Variants in CALN1 observed in about 807,000 individuals in gnomAD.
The protein encoded by CALN1 is calneuron 1.
CALN1 carries 17 observed loss-of-function variants against 30.6 expected under a neutral mutation model. That is an observed-to-expected ratio of 0.56 (90% CI 0.38 to 0.83). The LOEUF (loss-of-function observed/expected upper bound fraction) is 0.83, where lower values mean the gene tolerates loss of function less well. Ranked by LOEUF, CALN1 falls within the 40% of genes least tolerant of loss-of-function variation. CALN1 has a pLI of 0.00. For missense variants in CALN1, 291 were observed against 354.9 expected, an observed-to-expected ratio of 0.82 and a Z score of 1.45; for synonymous variants, 156 against 131.4, an observed-to-expected ratio of 1.19 and a Z score of -1.28.
chr7:72,318,893 T>C (rs750465485), intron 2 of CALN1, among the ~76,000 whole-genome samples: 1 of 149,582 alleles, frequency 6.7e-6, no homozygotes, highest in East Asian at 1.9e-4. Flanking sequence ...CTGGCAAGGA[T>C]GTGGAGAAAA....
intron 5 of CALN1, among the ~76,000 whole-genome samples, chr7:71,823,425 A>AAAC (rs1788708956): frequency 1.3e-5 from 2 of 152,218 alleles, no homozygotes; most frequent in African/African-American, 4.8e-5. Flanking sequence ...ATTTATAAAG[A>AAAC]AACAGAGGCT....
chr7:72,219,957 C>A (rs966330915), intron 3 of CALN1, among the ~76,000 whole-genome samples: 1 of 152,018 alleles, frequency 6.6e-6, no homozygotes, highest in African/African-American at 2.4e-5. Context: ...AAAAATTCAA[C>A]CTCACTAGTA....
chr7:72,382,172 G>C (rs1804942644), intron 2 of CALN1, among the ~76,000 whole-genome samples: 1 of 152,192 alleles, frequency 6.6e-6, no homozygotes, highest in South Asian at 2.1e-4. Flanking sequence ...TCAGCTGATG[G>C]GAGCACTGTC....
intron 2 of CALN1, among the ~76,000 whole-genome samples, chr7:72,329,290 C>T (rs982373760): frequency 6.6e-6 from 1 of 152,228 alleles, no homozygotes. Flanking sequence ...ATTTTACACT[C>T]TGATGGATAA....
intron 5 of CALN1, among the ~76,000 whole-genome samples, chr7:71,902,367 C>G (rs982557583): frequency 6.6e-6 from 1 of 151,524 alleles, no homozygotes. Flanking sequence ...CAATGAGATA[C>G]TATCTTACAC....
At chr7:72,359,990 A>AAAAAAAAAAAAAAAAAAAAAC (rs1365927582) in intron 2 of CALN1, among the ~76,000 whole-genome samples, 5 of 148,178 alleles carry the variant, frequency 3.4e-5, no homozygotes, top group Non-Finnish European at 7.5e-5. Context: ...AAAAAAAAAA[A>AAAAAAAAAAAAAAAAAAAAAC]ACCAAAGTTG....
intron 2 of CALN1, among the ~76,000 whole-genome samples, chr7:72,299,686 TA>T (rs1799117075): frequency 7.4e-6 from 1 of 134,586 alleles, no homozygotes; most frequent in Non-Finnish European, 1.5e-5. Flanking sequence ...AAGATGCTCT[TA>T]TCTTTTTTTT....
At chr7:72,044,518 A>G (rs1013470923) in intron 4 of CALN1, among the ~76,000 whole-genome samples, 1 of 151,430 alleles carries the variant, frequency 6.6e-6, no homozygotes, top group Non-Finnish European at 1.5e-5. Context: ...AGGCCTCTCA[A>G]TTGCATCAAA....
intron 6 of CALN1, among the ~76,000 whole-genome samples, chr7:71,789,591 G>A (rs549188570): frequency 6.6e-6 from 1 of 152,188 alleles, no homozygotes; most frequent in South Asian, 2.1e-4. Context: ...AGATAGGGGG[G>A]CACCAAACTC....
At chr7:71,930,713 G>T (rs1046759967) in intron 5 of CALN1, among the ~76,000 whole-genome samples, 3 of 152,132 alleles carry the variant, frequency 2.0e-5, no homozygotes, top group African/African-American at 7.2e-5. Context: ...GTTGTGTTTG[G>T]TGTAATGAAG....
In CALN1 at chr7:72,446,051, A is replaced by C. The variant is rs994942397; in HGVS notation, c.-226+991T>G. Among the ~76,000 whole-genome samples the C allele has an allele frequency of 4.6e-5, 7 of 152,242 alleles. No individual in the cohort carries two copies. The East Asian group carries it at 1.4e-3, about 29-fold the overall frequency. On this transcript the variant is annotated intron_variant, in intron 1 of 6. Transcript: ENST00000395276. ...GTCCTTAGAACCCTGCCTCTAAGCC[A>C]CAAGAACCCATGCCCCCGGGACCCC...
Position 71,785,585 on chromosome 7 carries a change from C to A in CALN1, c.*2190G>T, listed in dbSNP as rs1792944937. On this transcript the variant is annotated 3_prime_UTR_variant, in exon 7 of 7. Coordinates refer to ENST00000395275, the MANE Select transcript of CALN1 (RefSeq NM_031468.4). ...TACCCAGTCTACTTAGGGTCCTGCA[C>A]CCCTATGGATGTGGTTGGGTGGTTC... is the stretch of plus-strand genomic sequence containing the variant. 6.6e-6 allele frequency: 1 copy of A among 152,150 alleles called. No homozygotes were observed. Among genetic ancestry groups the A allele is most frequent in the Non-Finnish European group, 1.5e-5 (1 of 68,052 alleles). The allele number at this position is 152,150 out of a possible 1,614,324, so 9.4% of individuals were successfully genotyped here.
chr7:72,179,182 TA>T (rs1789579455), intron 3 of CALN1, among the ~76,000 whole-genome samples: 1 of 152,218 alleles, frequency 6.6e-6, no homozygotes, highest in African/African-American at 2.4e-5. Flanking sequence ...GGGCATTCAG[TA>T]ACAAAACGAA....
chr7:72,218,439 C>T (rs1793014077), intron 3 of CALN1, among the ~76,000 whole-genome samples: 3 of 151,946 alleles, frequency 2.0e-5, no homozygotes, highest in Admixed American at 2.0e-4. Flanking sequence ...CAGAGCGAGA[C>T]TCCATCTCAA....
intron 3 of CALN1, among the ~76,000 whole-genome samples, chr7:72,214,248 G>C (rs1792611329): frequency 6.6e-6 from 1 of 152,240 alleles, no homozygotes; most frequent in Non-Finnish European, 1.5e-5. Flanking sequence ...GGGAGGCCTA[G>C]GCAGACGGAT....
intron 3 of CALN1, among the ~76,000 whole-genome samples, chr7:72,217,020 G>T (rs928787184): frequency 2.0e-5 from 3 of 152,092 alleles, no homozygotes; most frequent in Admixed American, 2.0e-4. Context: ...TTACAGGTGT[G>T]AGCCATCACA....
In CALN1 at chr7:71,839,472, T is replaced by C. The variant is rs570594073; in HGVS notation, c.502-28980A>G. 2.0e-4 allele frequency among the ~76,000 whole-genome samples: 30 copies of C among 152,262 alleles called. No homozygotes were observed. The East Asian group carries it at 3.3e-3, about 17-fold the overall frequency. ...GCCTGAACCCAGGAGGTGGCAGTTATAGTGAGCCGAGATTGCACCACTGCA... is the reference window on the plus strand; with the variant it reads ...GCCTGAACCCAGGAGGTGGCAGTTACAGTGAGCCGAGATTGCACCACTGCA... On this transcript the variant is annotated intron_variant, in intron 5 of 6. Transcript: ENST00000395275.
intron 4 of CALN1, among the ~76,000 whole-genome samples, chr7:72,077,962 C>G (rs1804863007): frequency 6.6e-6 from 1 of 152,186 alleles, no homozygotes; most frequent in Admixed American, 6.5e-5. Flanking sequence ...GAGAGAGGAG[C>G]ACAAGGCTTC....
chr7:72,282,168 T>A (rs1488838787), intron 2 of CALN1, among the ~76,000 whole-genome samples: 4 of 152,196 alleles, frequency 2.6e-5, no homozygotes, highest in Non-Finnish European at 5.9e-5. Context: ...ACCCAAGCTT[T>A]AAGATTCTCT....
Sources: allele counts gnomAD v4.1 joint callset (sites outside exome capture counted in the v4.1 genomes callset), GRCh38; gene constraint gnomAD v4.1.1; transcripts MANE v1.5; gene names NCBI Gene and HGNC (gene_info 2026-07-23, HGNC 2026-07-21).